The following IMMP2L variants were observed in gnomAD, a reference collection of about 807,000 sequenced individuals.
IMMP2L encodes mitochondrial inner membrane protease subunit 2.
IMMP2L carries 18 observed loss-of-function variants against 19.3 expected under a neutral mutation model. The ratio of observed to expected loss-of-function variants is 0.93; its 90% CI spans 0.64 to 1.38. IMMP2L has a LOEUF of 1.38. Ranked by LOEUF, IMMP2L falls within the 40% of genes most tolerant of loss-of-function variation. The probability of loss-of-function intolerance (pLI) is 0.00; values close to 1 mark genes in which losing one functional copy is unlikely to be tolerated. For synonymous variants in IMMP2L, 76 were observed against 73.0 expected (o/e 1.04, Z -0.21); for missense variants, 233 against 218.2 (o/e 1.07, Z -0.43).
chr7:110,913,676 T>C (rs1266131000), intron 4 of IMMP2L, among the ~76,000 whole-genome samples: 1 of 152,160 alleles, frequency 6.6e-6, no homozygotes, highest in Admixed American at 6.5e-5. Flanking sequence ...TAAGTAATGA[T>C]ACCAGCCATT....
At chr7:111,333,508 A>T (rs115463269) in intron 3 of IMMP2L, among the ~76,000 whole-genome samples, 1 of 152,010 alleles carries the variant, frequency 6.6e-6, no homozygotes, top group African/African-American at 2.4e-5. Context: ...CAAGTTGACA[A>T]GGGGTCGACT....
chr7:111,338,942 G>A (rs1826738042), intron 3 of IMMP2L, among the ~76,000 whole-genome samples: 1 of 152,128 alleles, frequency 6.6e-6, no homozygotes, highest in East Asian at 1.9e-4. Flanking sequence ...ATTGTCCCAG[G>A]AGTCAATAAC....
intron 3 of IMMP2L, among the ~76,000 whole-genome samples, chr7:111,404,061 C>T (rs1833704184): frequency 6.6e-6 from 1 of 152,116 alleles, no homozygotes; most frequent in Admixed American, 6.5e-5. Flanking sequence ...CTGGCATATG[C>T]ATCACATTTA....
chr7:110,982,008 G>A (rs1024633490), intron 3 of IMMP2L, among the ~76,000 whole-genome samples: 3 of 152,228 alleles, frequency 2.0e-5, no homozygotes, highest in South Asian at 2.1e-4. Flanking sequence ...TGATAGTAGG[G>A]CATTTTATTA....
At chr7:110,794,739 A>G (rs1800746274) in intron 5 of IMMP2L, among the ~76,000 whole-genome samples, 1 of 152,066 alleles carries the variant, frequency 6.6e-6, no homozygotes, top group South Asian at 2.1e-4. Context: ...GAATGTTTTG[A>G]TTATGAGATG....
intron 3 of IMMP2L, among the ~76,000 whole-genome samples, chr7:111,289,487 G>T (rs1820856016): frequency 6.6e-6 from 1 of 151,756 alleles, no homozygotes; most frequent in African/African-American, 2.4e-5. Context: ...GCTATGGTAA[G>T]ATTTAGTGCT....
At chr7:111,505,444 T>C (rs1163934649) in intron 2 of IMMP2L, among the ~76,000 whole-genome samples, 2 of 152,034 alleles carry the variant, frequency 1.3e-5, no homozygotes, top group East Asian at 3.9e-4. Flanking sequence ...GAACTAGAAA[T>C]ACCATTTGAC....
intron 3 of IMMP2L, among the ~76,000 whole-genome samples, chr7:111,152,269 A>G (rs1048748890): frequency 1.3e-5 from 2 of 152,140 alleles, no homozygotes; most frequent in African/African-American, 4.8e-5. Flanking sequence ...TCAATGCTTA[A>G]AATCCATACA....
intron 5 of IMMP2L, among the ~76,000 whole-genome samples, chr7:110,799,500 A>T (rs1336842340): frequency 3.3e-5 from 5 of 152,036 alleles, no homozygotes; most frequent in Non-Finnish European, 7.4e-5. Flanking sequence ...TTCTATTTTT[A>T]TATCATTGAA....
chr7:111,253,778 T>C (rs983265777), intron 3 of IMMP2L, among the ~76,000 whole-genome samples: 1 of 152,148 alleles, frequency 6.6e-6, no homozygotes, highest in Non-Finnish European at 1.5e-5. Flanking sequence ...GAGAATTATT[T>C]AGGCCAAAGT....
At chr7:111,290,518 AT>A (rs1249150273) in intron 3 of IMMP2L, among the ~76,000 whole-genome samples, 2 of 151,818 alleles carry the variant, frequency 1.3e-5, no homozygotes, top group East Asian at 3.9e-4. Context: ...AAAAAAAAAA[AT>A]GAATGATTTA....
chr7:110,807,815 C>T (rs1452808683), intron 5 of IMMP2L, among the ~76,000 whole-genome samples: 5 of 151,944 alleles, frequency 3.3e-5, no homozygotes, highest in East Asian at 1.9e-4. Flanking sequence ...CAAAAACTGG[C>T]CCCCAGCTAA....
At chr7:110,864,970 A>G (rs2129543192) in intron 5 of IMMP2L, among the ~76,000 whole-genome samples, 1 of 152,084 alleles carries the variant, frequency 6.6e-6, no homozygotes, top group East Asian at 1.9e-4. Context: ...CATTCCATAG[A>G]TATTTATCTA....
At chr7:111,337,288 A>G (rs37642) in intron 3 of IMMP2L, among the ~76,000 whole-genome samples, 132,074 of 152,114 alleles carry the variant, frequency 0.87, 57,877 homozygotes, top group East Asian at 1. Flanking sequence ...TGATTTGCCT[A>G]TCTTTTAAAG....
intron 3 of IMMP2L, chr7:111,411,342 C>A: frequency 4.9e-6 from 2 of 405,662 alleles, no homozygotes; most frequent in African/African-American, 2.1e-5. Context: ...AGGACCTAGC[C>A]AAAGCCCACA....
intron 1 of IMMP2L, among the ~76,000 whole-genome samples, chr7:111,549,663 C>A (rs1424529640): frequency 6.6e-6 from 1 of 151,978 alleles, no homozygotes; most frequent in Non-Finnish European, 1.5e-5. Flanking sequence ...ATTCTGGCCA[C>A]GTGTGGTGGC....
chr7:111,032,911 G>A (rs781414292), intron 3 of IMMP2L, among the ~76,000 whole-genome samples: 6 of 152,184 alleles, frequency 3.9e-5, no homozygotes, highest in South Asian at 2.1e-4. Flanking sequence ...CCCGAGGTCC[G>A]GAGTTCGAGA....
chr7:111,267,383 C>T (rs970167800), intron 3 of IMMP2L, among the ~76,000 whole-genome samples: 2 of 151,924 alleles, frequency 1.3e-5, no homozygotes, highest in Non-Finnish European at 1.5e-5. Flanking sequence ...TTAAACATAC[C>T]CTAATTTGTT....
At chr7:111,349,689 A>G (rs1827944281) in intron 3 of IMMP2L, among the ~76,000 whole-genome samples, 1 of 152,106 alleles carries the variant, frequency 6.6e-6, no homozygotes, top group Admixed American at 6.6e-5. Context: ...TGCTTTAAAG[A>G]GAGACAAGAG....
Sources: allele counts gnomAD v4.1 joint callset (sites outside exome capture counted in the v4.1 genomes callset), GRCh38; gene constraint gnomAD v4.1.1; transcripts MANE v1.5; gene names NCBI Gene and HGNC (gene_info 2026-07-23, HGNC 2026-07-21).